The following POU2F2 variants were observed in gnomAD, a reference collection of about 807,000 sequenced individuals.
POU2F2 encodes POU domain, class 2, transcription factor 2.
Under a neutral mutation model 63.5 loss-of-function variants are expected in POU2F2, and 14 were observed. The observed-to-expected ratio is 0.22, with a 90% CI of 0.15 to 0.34. The LOEUF (loss-of-function observed/expected upper bound fraction) is 0.34. POU2F2 is among the 10% of genes least tolerant of loss of function. The probability of loss-of-function intolerance (pLI) is 1.00; values close to 1 mark genes in which losing one functional copy is unlikely to be tolerated. For missense variants in POU2F2, 607 were observed against 815.2 expected (o/e 0.74, Z 3.11); for synonymous variants, 306 against 348.6 (o/e 0.88, Z 1.36).
chr19:42,148,205 A>G (rs551380361), intron 2 of POU2F2, among the ~76,000 whole-genome samples: 107 of 151,500 alleles, frequency 7.1e-4, no homozygotes, highest in African/African-American at 2.6e-3. Flanking sequence ...GCCCCAGCTG[A>G]CACCTGGTTC....
At chr19:42,178,039 G>A (rs1174135214), upstream of POU2F2, among the ~76,000 whole-genome samples, 1 of 152,050 alleles carries the variant, frequency 6.6e-6, no homozygotes, top group Non-Finnish European at 1.5e-5. Flanking sequence ...GAGACACCCA[G>A]AGACAAAGAG....
Position 42,117,198 on chromosome 19 carries a change from A to T in POU2F2, c.369+52T>A. 7.4e-7 allele frequency: 1 copy of T among 1,354,456 alleles called. No individual in the cohort carries two copies. The highest frequency in any genetic ancestry group is 9.9e-7 in the Non-Finnish European group (1 of 1,010,576). The allele number at this position is 1,354,456 out of a possible 1,614,324, so 83.9% of individuals were successfully genotyped here. A position where few individuals can be genotyped will look rare whatever the true frequency, so the allele number is the denominator to read the frequency against. On this transcript the variant is annotated intron_variant, in intron 5 of 14. Transcript: ENST00000692977. The surrounding 1 kb of genome is among the most constrained non-coding windows in gnomAD (Gnocchi z 4.4). ...AGTTCATCCACTAGCCCTGTAACAGATGAGGGGTGGCTGGTTTGTCCCCTC... is the reference window on the plus strand; with the variant it reads ...AGTTCATCCACTAGCCCTGTAACAGTTGAGGGGTGGCTGGTTTGTCCCCTC...
upstream of POU2F2, among the ~76,000 whole-genome samples, chr19:42,179,462 G>A (rs1432945650): frequency 2.0e-5 from 3 of 151,902 alleles, no homozygotes; most frequent in African/African-American, 7.3e-5. Context: ...GCAAAGAGGA[G>A]GATAGGGTTG....
At chr19:42,159,276 G>T (rs2034511273) in intron 2 of POU2F2, among the ~76,000 whole-genome samples, 1 of 152,172 alleles carries the variant, frequency 6.6e-6, no homozygotes, top group African/African-American at 2.4e-5. Flanking sequence ...CATGAGAACA[G>T]TCAGTGGAGC....
At chr19:42,195,300 TTTCCTTCCC>T (rs1339833072) in intron 1 of POU2F2, among the ~76,000 whole-genome samples, 1 of 151,452 alleles carries the variant, frequency 6.6e-6, no homozygotes, top group Non-Finnish European at 1.5e-5. Context: ...TCCTCCTTCA[TTTCCTTCCC>T]TTCCTTCCCT....
At chr19:42,149,557 A>G (rs1301873922) in intron 2 of POU2F2, among the ~76,000 whole-genome samples, 1 of 152,166 alleles carries the variant, frequency 6.6e-6, no homozygotes, top group Non-Finnish European at 1.5e-5. Context: ...AGAGAAGTGT[A>G]TGGGGGTTTT....
intron 3 of POU2F2, 77 bp downstream of exon 3, chr19:42,122,267 T>C (rs993446275): frequency 1.8e-5 from 13 of 709,562 alleles, no homozygotes; most frequent in Non-Finnish European, 2.5e-5. Flanking sequence ...CCTCCTACCA[T>C]AGGCGGCACA....
At chr19:42,149,915 C>G (rs556083829) in intron 2 of POU2F2, among the ~76,000 whole-genome samples, 117 of 152,296 alleles carry the variant, frequency 7.7e-4, no homozygotes, top group African/African-American at 2.8e-3. Context: ...TTTCCTGCAC[C>G]CAGCTGCCTC....
intron 1 of POU2F2, among the ~76,000 whole-genome samples, chr19:42,173,980 C>T (rs1031308486): frequency 1.3e-5 from 2 of 152,276 alleles, no homozygotes; most frequent in South Asian, 2.1e-4. Flanking sequence ...TGACATGGGA[C>T]GCTTTGTTAC....
intron 1 of POU2F2, among the ~76,000 whole-genome samples, chr19:42,172,430 C>T (rs974840861): frequency 6.6e-6 from 1 of 152,178 alleles, no homozygotes; most frequent in African/African-American, 2.4e-5. Flanking sequence ...CAGTGATTCA[C>T]ACCACTCAAT....
rs377305785 is a variant in POU2F2, at chr19:42,122,612, A to C, written c.29-36T>G. On this transcript the variant is annotated intron_variant, in intron 1 of 14. Transcript: ENST00000692977. ...AGGAGGAATGGAAGTGGGGTGAAGG[A>C]GGGGAATCCAGGAGGGCTCTCGGGC... 9 of 1,493,728 alleles carry C rather than the reference A, an allele frequency of 6.0e-6. No individual in the cohort carries two copies. In the African/African-American group the frequency reaches 1.1e-4, roughly 19 times the overall value. The allele number at this position is 1,493,728 out of a possible 1,614,324, so 92.5% of individuals were successfully genotyped here.
At chr19:42,128,024 ACCT>A (rs2033362613) in intron 1 of POU2F2, among the ~76,000 whole-genome samples, 1 of 151,246 alleles carries the variant, frequency 6.6e-6, no homozygotes, top group African/African-American at 2.4e-5. Context: ...CTCAAATGTC[ACCT>A]CCTCTGTGAA....
At chr19:42,168,457 C>T (rs1313768453) in intron 1 of POU2F2, among the ~76,000 whole-genome samples, 1 of 152,226 alleles carries the variant, frequency 6.6e-6, no homozygotes, top group Non-Finnish European at 1.5e-5. Flanking sequence ...ACAGTCTAGG[C>T]TTGTTCACAT....
At chr19:42,106,772 A>AGAGGAGAAGGAGGAAGAG (rs1555897532) in intron 5 of POU2F2, among the ~76,000 whole-genome samples, 405 of 142,952 alleles carry the variant, frequency 2.8e-3, no homozygotes, top group Non-Finnish European at 4.5e-3. Context: ...AGAAGGAGGA[A>AGAGGAGAAGGAGGAAGAG]GAGGAGAAGG....
intron 1 of POU2F2, among the ~76,000 whole-genome samples, chr19:42,195,142 G>A (rs1351537943): frequency 7.5e-6 from 1 of 133,000 alleles, no homozygotes; most frequent in Non-Finnish European, 1.6e-5. Flanking sequence ...AGGAACGAAG[G>A]GAGGGAGGGA....
At chr19:42,139,040 G>C (rs895298834) in intron 2 of POU2F2, among the ~76,000 whole-genome samples, 1 of 152,172 alleles carries the variant, frequency 6.6e-6, no homozygotes, top group Non-Finnish European at 1.5e-5. Flanking sequence ...TAACTGGCCG[G>C]GTGTGGTGGC....
At chr19:42,170,585 G>A (rs535011423) in intron 1 of POU2F2, among the ~76,000 whole-genome samples, 4 of 152,276 alleles carry the variant, frequency 2.6e-5, no homozygotes, top group African/African-American at 7.2e-5. Context: ...ACACATAGAC[G>A]CACAAGCAAA....
In POU2F2 at chr19:42,091,239, G is replaced by A; in HGVS notation, c.*18C>T. The A allele has an allele frequency of 6.6e-7, 1 of 1,519,434 alleles. No individual in the cohort carries two copies. The highest frequency in any genetic ancestry group is 8.8e-7 in the Non-Finnish European group (1 of 1,137,672). The allele number at this position is 1,519,434 out of a possible 1,614,324, so 94.1% of individuals were successfully genotyped here. A position where few individuals can be genotyped will look rare whatever the true frequency, so the allele number is the denominator to read the frequency against. On this transcript the variant is annotated 3_prime_UTR_variant, in exon 15 of 15. Transcript: ENST00000692977. Reference sequence around the variant, plus strand: ...AAGGCAGGGACCAGAGGAATGGGAGGGGAGGCATGGCTGGCCCTCACTCAG... The same window carrying A: ...AAGGCAGGGACCAGAGGAATGGGAGAGGAGGCATGGCTGGCCCTCACTCAG...
At chr19:42,174,208 G>A (rs1421298512) in intron 1 of POU2F2, among the ~76,000 whole-genome samples, 1 of 152,098 alleles carries the variant, frequency 6.6e-6, no homozygotes, top group Admixed American at 6.5e-5. Flanking sequence ...AGGACACGCA[G>A]AGACCCCGAG....
Sources: gnomAD v4.1 joint callset for allele counts (sites outside exome capture counted in the v4.1 genomes callset) on GRCh38, gnomAD v4.1.1 for gene constraint, Gnocchi (gnomAD v3.1) non-coding constraint, MANE v1.5 for transcripts, NCBI Gene and HGNC (gene_info 2026-07-23, HGNC 2026-07-21) for gene names.